WDR35: variants seen among roughly 807,000 people sequenced by gnomAD.
WDR35 encodes WD repeat-containing protein 35.
In WDR35, 118 loss-of-function variants were observed where a neutral mutation model predicts 158.3. The ratio of observed to expected loss-of-function variants is 0.75; its 90% CI spans 0.64 to 0.87. The LOEUF (loss-of-function observed/expected upper bound fraction) is 0.87. Ranked by LOEUF, WDR35 falls within the 40% of genes least tolerant of loss-of-function variation. The pLI is 0.00. For missense variants in WDR35, 1,263 were observed against 1,405.8 expected (o/e 0.90, Z 1.62); for synonymous variants, 448 against 476.1 (o/e 0.94, Z 0.77).
At chr2:19,985,029 C>A (rs1672508065) in intron 2 of WDR35, among the ~76,000 whole-genome samples, 1 of 152,138 alleles carries the variant, frequency 6.6e-6, no homozygotes. Context: ...GCTAAGGACA[C>A]CTTACCTGAG....
intron 25 of WDR35, among the ~76,000 whole-genome samples, chr2:19,929,417 A>T (rs989969310): frequency 2.0e-5 from 3 of 152,180 alleles, no homozygotes; most frequent in Admixed American, 6.5e-5. Context: ...CAAATGGATG[A>T]TGTCACCAAT....
At chr2:19,975,722 G>A (rs758710728) in intron 5 of WDR35, 59 bp from the exon 6 acceptor site, 32 of 1,608,454 alleles carry the variant, frequency 2.0e-5, no homozygotes, top group Middle Eastern at 1.6e-4. Context: ...AACGGCTTTC[G>A]AAATCTTTGT....
At chr2:19,952,278 G>A (rs1034817162) in intron 12 of WDR35, among the ~76,000 whole-genome samples, 2 of 152,070 alleles carry the variant, frequency 1.3e-5, no homozygotes, top group African/African-American at 4.8e-5. Flanking sequence ...AAGCTCATGT[G>A]TCTGTTTCCT....
At chr2:19,978,251 T>C (rs1047179514) in intron 5 of WDR35, among the ~76,000 whole-genome samples, 2 of 152,006 alleles carry the variant, frequency 1.3e-5, no homozygotes, top group Non-Finnish European at 2.9e-5. Context: ...TAAAAATGAT[T>C]TTAAAATAAA....
chr2:19,962,727 T>A (rs927899200), intron 10 of WDR35, among the ~76,000 whole-genome samples: 1 of 150,658 alleles, frequency 6.6e-6, no homozygotes, highest in South Asian at 2.1e-4. Flanking sequence ...CCATAACATT[T>A]AAAAAAAAAT....
chr2:19,949,786 G>A (rs1411012963), intron 13 of WDR35, among the ~76,000 whole-genome samples: 1 of 152,154 alleles, frequency 6.6e-6, no homozygotes, highest in Non-Finnish European at 1.5e-5. Context: ...GGGAAATTTA[G>A]GAAACAGAAT....
chr2:19,986,543 T>C (rs1315752246), intron 2 of WDR35, among the ~76,000 whole-genome samples: 1 of 152,104 alleles, frequency 6.6e-6, no homozygotes, highest in African/African-American at 2.4e-5. Flanking sequence ...TCTGGAAAAA[T>C]AATGTTTCAA....
chr2:19,913,801 ACTT>A (rs1669907596), intron 26 of WDR35, 93 bp from the exon 27 acceptor site: 1 of 1,540,754 alleles, frequency 6.5e-7, no homozygotes, highest in Non-Finnish European at 8.8e-7. Flanking sequence ...AAAGAATAAA[ACTT>A]CTGAGATGAA....
In WDR35 at chr2:19,934,008, G is replaced by T. The variant is rs952278827; in HGVS notation, c.2548-497C>A. Among the ~76,000 whole-genome samples the T allele has an allele frequency of 6.7e-6, 1 of 149,314 alleles. No homozygotes were observed. The highest frequency in any genetic ancestry group is 6.7e-5 in the Admixed American group (1 of 14,952). On this transcript the variant is annotated intron_variant, in intron 21 of 26. Coordinates refer to ENST00000281405, the MANE Select transcript of WDR35 (RefSeq NM_020779.4). This position sits in a 1 kb window ranked among gnomAD's most constrained non-coding sequence, Gnocchi z 4.6. Reference sequence around the variant, plus strand: ...CCAAAACAGAGCTCTCTTGGAAAGTGGTGGCAGCGAGGAAGAACCACCACC... The same window carrying T: ...CCAAAACAGAGCTCTCTTGGAAAGTTGTGGCAGCGAGGAAGAACCACCACC...
intron 8 of WDR35, among the ~76,000 whole-genome samples, chr2:19,973,004 A>G (rs1672078349): frequency 6.6e-6 from 1 of 152,066 alleles, no homozygotes; most frequent in African/African-American, 2.4e-5. Flanking sequence ...TAAAAATACT[A>G]TTGAGAAGGA....
chr2:19,933,324 A>G (rs1558329340), intron 22 of WDR35, 77 bp downstream of exon 22: 1 of 1,159,602 alleles, frequency 8.6e-7, no homozygotes, highest in Non-Finnish European at 1.3e-6. Context: ...AAAGATCACT[A>G]GGGTGACTTT....
chr2:19,960,572 G>T lies in WDR35; in HGVS notation c.1237C>A (p.Pro413Thr). ...TCCTTACCAATATCAATGTATTTGG[G>T]ATCCAAGGGTGTACCAATAGAATTA... ...LCNSIGTPLD[P>T]KYIDIVPLFV... The change falls in exon 11 of 27, where the codon CCC (proline) becomes ACC (threonine). Residue 413 changes from proline (P) to threonine (T), a missense_variant. By Grantham distance (38) the Pro-to-Thr change is conservative. Coordinates refer to ENST00000281405, the MANE Select transcript of WDR35 (RefSeq NM_020779.4). 6.2e-7 allele frequency: 1 copy of T among 1,609,200 alleles called. No individual in the cohort carries two copies.
intron 17 of WDR35, 103 bp from the exon 18 acceptor site, chr2:19,938,504 C>A: frequency 2.1e-6 from 3 of 1,413,830 alleles, no homozygotes; most frequent in African/African-American, 1.5e-5. Flanking sequence ...AGAAAAAAAA[C>A]GGCATCATAT....
At position 19,930,436 on chromosome 2, in the gene WDR35, C is replaced by T. The variant is rs1285055398; in HGVS notation, c.3081G>A (p.Arg1027=). Residue 1027 remains arginine (R), a synonymous_variant, in exon 25 of 27, where the codon AGG becomes AGA. Coordinates refer to ENST00000281405, the MANE Select transcript of WDR35 (RefSeq NM_020779.4). ...TGTCCACACATCCCTCATAGAGCTG[C>T]CTCTGTGCAAGTATAAAGAAGTGGT... is the stretch of plus-strand genomic sequence containing the variant. ...EAYHFFILAQ[R]QLYEGCVDTA... is the part of the protein sequence containing the mutation. 6.2e-7 allele frequency: 1 copy of T among 1,614,060 alleles called. No individual in the cohort carries two copies.
At chr2:19,932,527 A>G in intron 22 of WDR35, 80 bp from the exon 23 acceptor site, 1 of 1,561,732 alleles carries the variant, frequency 6.4e-7, no homozygotes, top group Middle Eastern at 1.8e-4. Flanking sequence ...GAAAGCTTTA[A>G]GTTTATAGTA....
intron 25 of WDR35, among the ~76,000 whole-genome samples, chr2:19,929,208 G>T (rs1206446769): frequency 1.3e-5 from 2 of 152,044 alleles, no homozygotes; most frequent in African/African-American, 4.8e-5. Flanking sequence ...CAATATATAT[G>T]AAAGACGATT....
chr2:19,947,400 G>C (rs1313805695), intron 14 of WDR35, among the ~76,000 whole-genome samples: 1 of 152,150 alleles, frequency 6.6e-6, no homozygotes, highest in African/African-American at 2.4e-5. Context: ...TCATGGCTGA[G>C]GAATGTAACT....
At chr2:19,931,873 A>C (rs1558328500) in intron 23 of WDR35, among the ~76,000 whole-genome samples, 1 of 152,132 alleles carries the variant, frequency 6.6e-6, no homozygotes, top group East Asian at 1.9e-4. Flanking sequence ...TAGAAGGTAA[A>C]ATGTGTATAC....
At chr2:19,981,317 T>A (rs1115275) in intron 3 of WDR35, among the ~76,000 whole-genome samples, 33,072 of 152,136 alleles carry the variant, frequency 0.22, 3,963 homozygotes, top group Non-Finnish European at 0.25. Flanking sequence ...AGTGTACATT[T>A]CCTAAAAATA....
Sources: gnomAD v4.1 joint callset for allele counts (sites outside exome capture counted in the v4.1 genomes callset) on GRCh38, gnomAD v4.1.1 for gene constraint, Gnocchi (gnomAD v3.1) non-coding constraint, MANE v1.5 for transcripts, NCBI Gene and HGNC (gene_info 2026-07-23, HGNC 2026-07-21) for gene names.